The following ANKS1A variants were observed in gnomAD, a reference collection of about 807,000 sequenced individuals.
ANKS1A encodes the protein ankyrin repeat and SAM domain-containing protein 1A.
A neutral mutation model predicts 120.3 loss-of-function variants in ANKS1A; 55 were observed. The observed-to-expected ratio is 0.46, with a 90% CI of 0.37 to 0.57. The LOEUF (loss-of-function observed/expected upper bound fraction) is 0.57. Ranked by LOEUF, ANKS1A falls within the 20% of genes least tolerant of loss-of-function variation. The pLI is 0.00. For synonymous variants in ANKS1A, 590 were observed against 604.7 expected (o/e 0.98, Z 0.36); for missense variants, 1,123 against 1,480.3 (o/e 0.76, Z 3.96).
intron 1 of ANKS1A, among the ~76,000 whole-genome samples, chr6:34,910,722 C>G (rs1310221277): frequency 6.6e-6 from 1 of 151,572 alleles, no homozygotes; most frequent in Non-Finnish European, 1.5e-5. Context: ...ATTACCCAGG[C>G]GTGGTGGTGG....
intron 11 of ANKS1A, among the ~76,000 whole-genome samples, chr6:35,022,945 T>C (rs1488578512): frequency 6.6e-6 from 1 of 152,210 alleles, no homozygotes; most frequent in Non-Finnish European, 1.5e-5. Flanking sequence ...TATCATAAGG[T>C]TGGTTAGTTT....
At chr6:34,891,670 C>T (rs1234466820) in intron 1 of ANKS1A, among the ~76,000 whole-genome samples, 1 of 152,040 alleles carries the variant, frequency 6.6e-6, no homozygotes, top group African/African-American at 2.4e-5. Flanking sequence ...GCTCTGTCCA[C>T]AGTCTGGAGT....
intron 1 of ANKS1A, among the ~76,000 whole-genome samples, chr6:34,894,422 C>T (rs1766974227): frequency 6.6e-6 from 1 of 152,156 alleles, no homozygotes; most frequent in Admixed American, 6.5e-5. Context: ...GAGGCTGAGG[C>T]AGCTGGATCA....
intron 2 of ANKS1A, among the ~76,000 whole-genome samples, chr6:34,967,760 G>T (rs375742588): frequency 1.3e-5 from 2 of 151,936 alleles, no homozygotes; most frequent in East Asian, 3.9e-4. Flanking sequence ...AAAAACAAAC[G>T]TAAGTTCAGT....
chr6:35,040,124 A>G (rs749485342), intron 11 of ANKS1A, among the ~76,000 whole-genome samples: 4 of 152,364 alleles, frequency 2.6e-5, no homozygotes, highest in East Asian at 3.9e-4. Flanking sequence ...AACTCAGGCC[A>G]TAGAAGGTAT....
In ANKS1A at chr6:35,081,028, T is replaced by A; in HGVS notation, c.2579T>A (p.Leu860Gln). Residue 860 changes from leucine (L) to glutamine (Q), a missense_variant, in exon 17 of 24, where the codon CTG (leucine) becomes CAG (glutamine). Around this residue, in one of 3 missense-constraint regions of ANKS1A, gnomAD observed 904 missense variants for 1,130.4 expected, o/e 0.80. Transcript: ENST00000360359. ...QDLLSQTSSPLSQNDSCTGRS... is the reference protein window; with the variant it reads ...QDLLSQTSSPQSQNDSCTGRS... ...TTGCTCTCCCAGACGTCATCCCCAC[T>A]GAGTCAGAATGATTCCTGCACTGGG... 6.2e-7 allele frequency: 1 copy of A among 1,614,008 alleles called. No individual in the cohort carries two copies. Among genetic ancestry groups the A allele is most frequent in the Non-Finnish European group, 8.5e-7 (1 of 1,179,930 alleles).
At chr6:34,958,569 A>G (rs1249200313) in intron 1 of ANKS1A, among the ~76,000 whole-genome samples, 1 of 152,186 alleles carries the variant, frequency 6.6e-6, no homozygotes, top group East Asian at 1.9e-4. Flanking sequence ...AGCTGTCAAC[A>G]GAAGGATTTT....
chr6:34,989,308 G>A lies in ANKS1A; in HGVS notation c.1294G>A (p.Ala432Thr), dbSNP rs1260756349. 2.5e-6 allele frequency: 4 copies of A among 1,613,718 alleles called. No homozygotes were observed. The highest frequency in any genetic ancestry group is 4.5e-5 in the East Asian group (2 of 44,870). The change falls in exon 9 of 24, where the codon GCT becomes ACT. Residue 432 changes from alanine (A) to threonine (T), a missense_variant. This residue lies in a region of ANKS1A where 904 missense variants were observed against 1,130.4 expected (regional missense o/e 0.80). Coordinates refer to ENST00000360359, the MANE Select transcript of ANKS1A (RefSeq NM_015245.3). ...HIDKKYFPLT[A>T]SEVLSMRPRI... ...AGATAAGAAGTATTTTCCCTTGACA[G>A]CTTCTGAGGTAGAGGGTTGTGGGTT...
intron 10 of ANKS1A, among the ~76,000 whole-genome samples, chr6:35,014,461 C>T (rs539126448): frequency 2.0e-5 from 3 of 151,984 alleles, no homozygotes; most frequent in African/African-American, 7.2e-5. Context: ...CTACCCACTT[C>T]CTTCCCCTTG....
At chr6:35,064,901 G>T (rs1298534330) in intron 13 of ANKS1A, among the ~76,000 whole-genome samples, 2 of 152,196 alleles carry the variant, frequency 1.3e-5, no homozygotes. Context: ...GATCAGTGGA[G>T]CTGAGGCTTG....
At chr6:35,036,198 C>G (rs1386860679) in intron 11 of ANKS1A, among the ~76,000 whole-genome samples, 2 of 152,202 alleles carry the variant, frequency 1.3e-5, no homozygotes, top group African/African-American at 4.8e-5. Context: ...GAATTGGACT[C>G]TGAGCAGCTG....
At chr6:35,029,768 TATATA>T (rs1438173947) in intron 11 of ANKS1A, among the ~76,000 whole-genome samples, 2 of 148,404 alleles carry the variant, frequency 1.3e-5, no homozygotes, top group Non-Finnish European at 3.0e-5. Context: ...TATAATTACA[TATATA>T]ATATATACTT....
intron 11 of ANKS1A, among the ~76,000 whole-genome samples, chr6:35,047,436 C>T (rs923378242): frequency 2.0e-5 from 3 of 152,152 alleles, no homozygotes; most frequent in Non-Finnish European, 2.9e-5. Context: ...AGAACCAGAC[C>T]GAGAGACAGT....
At chr6:35,074,178 G>T (rs1359890911) in intron 13 of ANKS1A, among the ~76,000 whole-genome samples, 1 of 152,268 alleles carries the variant, frequency 6.6e-6, no homozygotes, top group Non-Finnish European at 1.5e-5. Context: ...AGTCAATGCT[G>T]GGGTTGAGTG....
At chr6:34,912,144 G>A (rs536775378) in intron 1 of ANKS1A, among the ~76,000 whole-genome samples, 3 of 152,312 alleles carry the variant, frequency 2.0e-5, no homozygotes, top group East Asian at 3.9e-4. Flanking sequence ...TGAATGATTT[G>A]CGTGATCATT....
chr6:35,064,271 A>G (rs1261946405), intron 13 of ANKS1A, among the ~76,000 whole-genome samples: 1 of 152,190 alleles, frequency 6.6e-6, no homozygotes, highest in Non-Finnish European at 1.5e-5. Flanking sequence ...GGCTCGGGGC[A>G]GTGGACAAAT....
intron 2 of ANKS1A, among the ~76,000 whole-genome samples, chr6:34,969,623 G>A (rs1033978816): frequency 1.3e-5 from 2 of 152,204 alleles, no homozygotes; most frequent in Non-Finnish European, 2.9e-5. Flanking sequence ...TCTGAATAAT[G>A]TGGTGAATAA....
intron 1 of ANKS1A, among the ~76,000 whole-genome samples, chr6:34,962,812 A>G (rs981468236): frequency 2.0e-5 from 3 of 151,278 alleles, no homozygotes; most frequent in African/African-American, 7.3e-5. Context: ...AACAAAACAA[A>G]CAAACAAAAA....
chr6:34,941,819 G>C (rs1769550942), intron 1 of ANKS1A, among the ~76,000 whole-genome samples: 1 of 152,152 alleles, frequency 6.6e-6, no homozygotes. Flanking sequence ...TATGACCTGG[G>C]CTAGGAAACC....
Sources: gnomAD v4.1 joint callset for allele counts (sites outside exome capture counted in the v4.1 genomes callset) on GRCh38, gnomAD v4.1.1 for gene constraint, gnomAD v4.1.1 regional missense constraint, MANE v1.5 for transcripts, NCBI Gene and HGNC (gene_info 2026-07-23, HGNC 2026-07-21) for gene names.